DNER: variants seen among roughly 807,000 people sequenced by gnomAD.
DNER encodes delta and Notch-like epidermal growth factor-related receptor.
DNER carries 33 observed loss-of-function variants against 78.2 expected under a neutral mutation model. The observed-to-expected ratio is 0.42, with a 90% CI of 0.32 to 0.56. The LOEUF is 0.56. Among genes scored for constraint, DNER ranks in the 20% least tolerant of loss-of-function variants. The probability of loss-of-function intolerance (pLI) is 0.11; values close to 1 mark genes in which losing one functional copy is unlikely to be tolerated. For missense variants in DNER, 918 were observed against 975.3 expected, an observed-to-expected ratio of 0.94 and a Z score of 0.78; for synonymous variants, 417 against 384.8, an observed-to-expected ratio of 1.08 and a Z score of -0.98.
intron 1 of DNER, among the ~76,000 whole-genome samples, chr2:229,703,369 T>C (rs866228248): frequency 2.6e-5 from 4 of 152,126 alleles, no homozygotes; most frequent in Admixed American, 1.3e-4. Context: ...AAACTACCCA[T>C]ACATTGCACC....
At chr2:229,644,360 T>G (rs58016463) in intron 1 of DNER, among the ~76,000 whole-genome samples, 30,082 of 141,420 alleles carry the variant, frequency 0.21, 3,289 homozygotes, top group South Asian at 0.29. Context: ...TTTTTTTTTT[T>G]TGAGCTGGAG....
intron 1 of DNER, among the ~76,000 whole-genome samples, chr2:229,616,687 C>T (rs1043578794): frequency 6.6e-6 from 1 of 152,212 alleles, no homozygotes; most frequent in African/African-American, 2.4e-5. Flanking sequence ...AGTGAGGGAG[C>T]TGTCTCAGAT....
chr2:229,496,312 T>C (rs991022393), intron 6 of DNER, among the ~76,000 whole-genome samples: 44 of 152,368 alleles, frequency 2.9e-4, no homozygotes, highest in African/African-American at 9.1e-4. Context: ...ATAGTCCATT[T>C]AATATTGTGA....
intron 10 of DNER, among the ~76,000 whole-genome samples, chr2:229,395,902 A>G (rs1693129304): frequency 6.6e-6 from 1 of 152,172 alleles, no homozygotes; most frequent in Admixed American, 6.5e-5. Flanking sequence ...TGTCTCAAAA[A>G]AAAAGCTTCC....
chr2:229,607,666 T>G (rs1697964331), intron 1 of DNER, among the ~76,000 whole-genome samples: 1 of 152,080 alleles, frequency 6.6e-6, no homozygotes, highest in African/African-American at 2.4e-5. Flanking sequence ...ATGTTTCAGA[T>G]GAGAGAGCAC....
chr2:229,703,110 G>A (rs919814647), intron 1 of DNER, among the ~76,000 whole-genome samples: 5 of 151,964 alleles, frequency 3.3e-5, no homozygotes, highest in Admixed American at 2.6e-4. Context: ...TGGGGAGAAG[G>A]GGGGAGAACA....
At chr2:229,559,252 G>A (rs1052174080) in intron 4 of DNER, among the ~76,000 whole-genome samples, 36 of 151,986 alleles carry the variant, frequency 2.4e-4, no homozygotes, top group African/African-American at 1.4e-4. Flanking sequence ...TTTCAGTTTC[G>A]GACTCATCTG....
At chr2:229,530,995 C>G (rs565754257) in intron 5 of DNER, among the ~76,000 whole-genome samples, 1 of 152,180 alleles carries the variant, frequency 6.6e-6, no homozygotes, top group Non-Finnish European at 1.5e-5. Flanking sequence ...GTGACCTGCC[C>G]TTTTCCCACA....
intron 5 of DNER, among the ~76,000 whole-genome samples, chr2:229,513,983 AC>A (rs34382437): frequency 0.7 from 106,653 of 151,562 alleles, 38,046 homozygotes; most frequent in South Asian, 0.78. Context: ...TCCACCCAGT[AC>A]CCCCCATAAG....
chr2:229,427,065 C>T (rs1366132037), intron 8 of DNER, among the ~76,000 whole-genome samples: 2 of 152,338 alleles, frequency 1.3e-5, no homozygotes, highest in East Asian at 3.9e-4. Flanking sequence ...TCAATATTTT[C>T]ACTTGCTGTG....
intron 6 of DNER, among the ~76,000 whole-genome samples, chr2:229,497,442 C>T (rs1453498984): frequency 1.3e-5 from 2 of 151,206 alleles, no homozygotes; most frequent in African/African-American, 4.9e-5. Context: ...TAATGAAGAT[C>T]AGATCAAAAA....
chr2:229,423,384 G>A (rs1038675250), intron 8 of DNER, among the ~76,000 whole-genome samples: 3 of 152,078 alleles, frequency 2.0e-5, no homozygotes, highest in East Asian at 1.9e-4. Flanking sequence ...GGAGGCTGAG[G>A]CAGGTGGATC....
chr2:229,543,818 T>G (rs1386221920), intron 5 of DNER, among the ~76,000 whole-genome samples: 1 of 152,224 alleles, frequency 6.6e-6, no homozygotes, highest in East Asian at 1.9e-4. Flanking sequence ...AAATGTGAGC[T>G]GACTGAAGAG....
chr2:229,416,274 T>A (rs537396141), intron 9 of DNER, among the ~76,000 whole-genome samples: 16 of 152,358 alleles, frequency 1.1e-4, no homozygotes, highest in African/African-American at 3.4e-4. Flanking sequence ...ATTACTTTCT[T>A]CACTTCCTTT....
intron 9 of DNER, among the ~76,000 whole-genome samples, chr2:229,413,921 A>G (rs1419763322): frequency 6.6e-6 from 1 of 152,122 alleles, no homozygotes; most frequent in Non-Finnish European, 1.5e-5. Context: ...AGTACTAGTT[A>G]GGAATTTAAA....
At chr2:229,386,070 A>C (rs1692856493) in intron 11 of DNER, among the ~76,000 whole-genome samples, 1 of 152,212 alleles carries the variant, frequency 6.6e-6, no homozygotes, top group African/African-American at 2.4e-5. Flanking sequence ...ATTTCAAACT[A>C]TACTACAAAG....
chr2:229,377,614 T>C (rs1559335147), intron 11 of DNER, among the ~76,000 whole-genome samples: 1 of 152,234 alleles, frequency 6.6e-6, no homozygotes, highest in Non-Finnish European at 1.5e-5. Flanking sequence ...ATCGATTCTA[T>C]TAGGATGGTC....
chr2:229,476,850 T>C (rs992335695), intron 7 of DNER, among the ~76,000 whole-genome samples: 1 of 122,028 alleles, frequency 8.2e-6, no homozygotes, highest in Non-Finnish European at 1.9e-5. Context: ...AAAATAGAAA[T>C]CTTAAGTAAA....
intron 6 of DNER, among the ~76,000 whole-genome samples, chr2:229,501,264 T>A (rs1695615637): frequency 6.6e-6 from 1 of 151,456 alleles, no homozygotes; most frequent in Non-Finnish European, 1.5e-5. Context: ...ATGTATTATA[T>A]CCTTAAAAAA....
Sources: allele counts gnomAD v4.1 joint callset (sites outside exome capture counted in the v4.1 genomes callset), GRCh38; gene constraint gnomAD v4.1.1; transcripts MANE v1.5; gene names NCBI Gene and HGNC (gene_info 2026-07-23, HGNC 2026-07-21).